PRLR: variants seen among roughly 807,000 people sequenced by gnomAD.
The protein encoded by PRLR is prolactin receptor, also known as hPRL receptor.
Under a neutral mutation model 40.2 loss-of-function variants are expected in PRLR, and 13 were observed. That is an observed-to-expected ratio of 0.32 (90% confidence interval 0.21 to 0.51). The LOEUF is 0.51. Among genes scored for constraint, PRLR ranks in the 20% least tolerant of loss-of-function variants. PRLR has a pLI of 0.97. For missense variants in PRLR, 656 were observed against 747.3 expected, an observed-to-expected ratio of 0.88 and a Z score of 1.42; for synonymous variants, 269 against 278.7, an observed-to-expected ratio of 0.97 and a Z score of 0.35.
chr5:35,181,427 T>A (rs914032133), intron 1 of PRLR, among the ~76,000 whole-genome samples: 18 of 152,332 alleles, frequency 1.2e-4, no homozygotes, highest in Admixed American at 4.6e-4. Context: ...TGCTGTGTGC[T>A]TATATTAATT....
intron 1 of PRLR, among the ~76,000 whole-genome samples, chr5:35,129,172 A>C (rs1168341838): frequency 6.6e-6 from 1 of 152,196 alleles, no homozygotes; most frequent in Non-Finnish European, 1.5e-5. Context: ...CATTTCTGTA[A>C]GTGTGCACTA....
intron 1 of PRLR, among the ~76,000 whole-genome samples, chr5:35,184,170 G>A (rs543546459): frequency 7.4e-4 from 113 of 152,262 alleles, no homozygotes; most frequent in Admixed American, 2.1e-3. Flanking sequence ...TGATTAAAAG[G>A]TTATCCTCAG....
At chr5:35,135,755 C>T (rs140429114) in intron 1 of PRLR, among the ~76,000 whole-genome samples, 1 of 152,136 alleles carries the variant, frequency 6.6e-6, no homozygotes, top group African/African-American at 2.4e-5. Context: ...CCTGCCTCAG[C>T]CAGTGCCCGT....
At chr5:35,228,707 T>G (rs1776615139) in intron 1 of PRLR, among the ~76,000 whole-genome samples, 1 of 152,108 alleles carries the variant, frequency 6.6e-6, no homozygotes, top group Admixed American at 6.5e-5. Context: ...AGTCAGAGGC[T>G]GGTAGAGCTC....
At chr5:35,181,571 A>C (rs141168140) in intron 1 of PRLR, among the ~76,000 whole-genome samples, 412 of 152,334 alleles carry the variant, frequency 2.7e-3, no homozygotes, top group African/African-American at 9.4e-3. Flanking sequence ...TAATAACACA[A>C]TTTGCCATAT....
intron 1 of PRLR, among the ~76,000 whole-genome samples, chr5:35,168,869 G>T (rs1471449295): frequency 6.6e-6 from 1 of 152,026 alleles, no homozygotes. Context: ...TTATTCATTT[G>T]ATATATTACT....
At chr5:35,190,415 G>A (rs2111558053) in intron 1 of PRLR, among the ~76,000 whole-genome samples, 1 of 152,224 alleles carries the variant, frequency 6.6e-6, no homozygotes, top group East Asian at 1.9e-4. Context: ...GACCAGCCTG[G>A]CCAACGTGGC....
chr5:35,164,225 T>C (rs1281795499), intron 1 of PRLR, among the ~76,000 whole-genome samples: 1 of 152,212 alleles, frequency 6.6e-6, no homozygotes, highest in Non-Finnish European at 1.5e-5. Context: ...TGGAAACTTA[T>C]ACAACCAATT....
intron 1 of PRLR, among the ~76,000 whole-genome samples, chr5:35,119,546 G>A (rs1413757483): frequency 6.6e-6 from 1 of 152,156 alleles, no homozygotes; most frequent in Admixed American, 6.5e-5. Flanking sequence ...ATAATAAGGG[G>A]TCTGTTGGAT....
intron 1 of PRLR, among the ~76,000 whole-genome samples, chr5:35,127,351 C>T (rs1773504868): frequency 2.0e-5 from 3 of 152,216 alleles, no homozygotes; most frequent in Non-Finnish European, 4.4e-5. Context: ...TACAGACCCA[C>T]TCTATTAAGA....
chr5:35,139,748 A>G (rs1773961369), intron 1 of PRLR, among the ~76,000 whole-genome samples: 2 of 152,196 alleles, frequency 1.3e-5, no homozygotes. Flanking sequence ...TCAAAAAGAT[A>G]TGTCTTACCA....
At chr5:35,123,892 G>A (rs766476856) in intron 1 of PRLR, among the ~76,000 whole-genome samples, 1 of 152,188 alleles carries the variant, frequency 6.6e-6, no homozygotes, top group Non-Finnish European at 1.5e-5. Context: ...ATTGGACCAA[G>A]TTCCTCTGCT....
intron 1 of PRLR, among the ~76,000 whole-genome samples, chr5:35,198,419 A>G (rs1269225098): frequency 6.6e-6 from 1 of 152,212 alleles, no homozygotes; most frequent in African/African-American, 2.4e-5. Flanking sequence ...TGTGGTTCCC[A>G]TGGCACTGGA....
At chr5:35,228,494 G>GC (rs1282219682) in intron 1 of PRLR, among the ~76,000 whole-genome samples, 1 of 152,180 alleles carries the variant, frequency 6.6e-6, no homozygotes, top group Non-Finnish European at 1.5e-5. Context: ...CTCATACTAT[G>GC]CCTCAGGGAG....
intron 1 of PRLR, among the ~76,000 whole-genome samples, chr5:35,198,029 A>G (rs960898650): frequency 6.6e-6 from 1 of 152,238 alleles, no homozygotes; most frequent in Non-Finnish European, 1.5e-5. Flanking sequence ...CCATTCCTCC[A>G]GCCAGTCCAG....
intron 1 of PRLR, among the ~76,000 whole-genome samples, chr5:35,161,235 C>T (rs1198699240): frequency 6.6e-6 from 1 of 152,174 alleles, no homozygotes; most frequent in Non-Finnish European, 1.5e-5. Context: ...TTCCCAGTTA[C>T]CTGCGCAACC....
chr5:35,207,080 CT>C (rs916487246), intron 1 of PRLR, among the ~76,000 whole-genome samples: 12 of 152,174 alleles, frequency 7.9e-5, no homozygotes, highest in African/African-American at 2.6e-4. Flanking sequence ...ACATAACACA[CT>C]TTTAAAAATG....
chr5:35,201,682 T>C (rs1453952415), intron 1 of PRLR, among the ~76,000 whole-genome samples: 1 of 150,352 alleles, frequency 6.7e-6, no homozygotes, highest in Non-Finnish European at 1.5e-5. Context: ...TTAATATTTT[T>C]GCAGATACTT....
At chr5:35,179,040 C>T (rs1487533112) in intron 1 of PRLR, among the ~76,000 whole-genome samples, 1 of 152,142 alleles carries the variant, frequency 6.6e-6, no homozygotes, top group East Asian at 1.9e-4. Flanking sequence ...TCACTATCCT[C>T]ACAACAAAGG....
Sources: allele counts gnomAD v4.1 joint callset (sites outside exome capture counted in the v4.1 genomes callset), GRCh38; gene constraint gnomAD v4.1.1; transcripts MANE v1.5; gene names NCBI Gene and HGNC (gene_info 2026-07-23, HGNC 2026-07-21).